CLEC16A: variants seen among roughly 807,000 people sequenced by gnomAD.
The protein encoded by CLEC16A is protein CLEC16A.
A neutral mutation model predicts 109.5 loss-of-function variants in CLEC16A; 51 were observed. That is an observed-to-expected ratio of 0.47 (90% CI 0.37 to 0.59). CLEC16A has a LOEUF of 0.59. Ranked by LOEUF, CLEC16A falls within the 20% of genes least tolerant of loss-of-function variation. CLEC16A has a pLI of 0.00. For synonymous variants in CLEC16A, 673 were observed against 564.2 expected (o/e 1.19, Z -2.73); for missense variants, 1,339 against 1,394.0 (o/e 0.96, Z 0.63).
intron 11 of CLEC16A, among the ~76,000 whole-genome samples, chr16:11,005,239 T>G (rs2044927200): frequency 6.6e-6 from 1 of 152,194 alleles, no homozygotes; most frequent in Non-Finnish European, 1.5e-5. Flanking sequence ...ACACAGGGGC[T>G]TCAGGCCAGT....
chr16:10,995,422 G>A (rs1051890044), intron 10 of CLEC16A, among the ~76,000 whole-genome samples: 2 of 152,216 alleles, frequency 1.3e-5, no homozygotes, highest in African/African-American at 4.8e-5. Flanking sequence ...CAGGGGCCCA[G>A]GAGCATGTTG....
At chr16:10,998,949 A>G (rs1248079252) in intron 10 of CLEC16A, among the ~76,000 whole-genome samples, 3 of 152,246 alleles carry the variant, frequency 2.0e-5, no homozygotes, top group Admixed American at 1.3e-4. Context: ...AAATTCTACC[A>G]GCCTCTGCAT....
At chr16:10,982,575 C>A (rs906321833) in intron 9 of CLEC16A, among the ~76,000 whole-genome samples, 1 of 152,174 alleles carries the variant, frequency 6.6e-6, no homozygotes. Flanking sequence ...TGTTCTTTCC[C>A]GCATTGCTCC....
intron 19 of CLEC16A, among the ~76,000 whole-genome samples, chr16:11,090,363 G>A (rs1260488785): frequency 6.6e-6 from 1 of 152,112 alleles, no homozygotes; most frequent in Non-Finnish European, 1.5e-5. Context: ...ACTTTCCTGT[G>A]TTTGTGGATT....
intron 13 of CLEC16A, among the ~76,000 whole-genome samples, chr16:11,035,243 G>T (rs188771320): frequency 6.6e-6 from 1 of 152,180 alleles, no homozygotes; most frequent in Non-Finnish European, 1.5e-5. Context: ...CATGTTTTCT[G>T]TGTGGGTGAT....
At chr16:11,150,890 G>A (rs1386802050) in intron 22 of CLEC16A, among the ~76,000 whole-genome samples, 1 of 152,188 alleles carries the variant, frequency 6.6e-6, no homozygotes, top group Non-Finnish European at 1.5e-5. Context: ...GCTCATAGAA[G>A]TATCACCCCA....
chr16:11,078,960 C>G (rs2049547760), intron 19 of CLEC16A, among the ~76,000 whole-genome samples: 1 of 152,048 alleles, frequency 6.6e-6, no homozygotes, highest in Non-Finnish European at 1.5e-5. Flanking sequence ...GTGCCTCTAC[C>G]TGACTTGAAG....
At chr16:11,027,171 A>G (rs1272800694) in intron 13 of CLEC16A, 1 of 1,394,742 alleles carries the variant, frequency 7.2e-7, no homozygotes, top group African/African-American at 1.4e-5. Context: ...GCTCAGGTTT[A>G]AGCTACTGGA....
rs373186612 is a variant in CLEC16A, at chr16:11,129,352, T to G, written c.2641+3206T>G. On this transcript the variant is annotated intron_variant, in intron 22 of 23. Coordinates refer to ENST00000409790, the MANE Select transcript of CLEC16A (RefSeq NM_015226.3). ...AACAATAACTCTGTTTTCCAAAACA[T>G]AGAAAAAAATTGATCTTGCACATTT... Among the ~76,000 whole-genome samples, 2 of 152,146 alleles carry G rather than the reference T, an allele frequency of 1.3e-5. 1 individual carries two copies. Among genetic ancestry groups the G allele is most frequent in the South Asian group, 4.1e-4 (2 of 4,826 alleles).
At chr16:11,090,880 G>C (rs955098562) in intron 19 of CLEC16A, among the ~76,000 whole-genome samples, 2 of 144,656 alleles carry the variant, frequency 1.4e-5, no homozygotes, top group African/African-American at 5.2e-5. Flanking sequence ...TTGTTGGCCA[G>C]GCTCGTCTTG....
intron 22 of CLEC16A, among the ~76,000 whole-genome samples, chr16:11,139,809 C>A (rs1043244666): frequency 6.6e-6 from 1 of 152,188 alleles, no homozygotes; most frequent in Non-Finnish European, 1.5e-5. Context: ...AAAATTCAGG[C>A]TCATGGCATA....
At position 11,047,360 on chromosome 16, in the gene CLEC16A, A is replaced by T; in HGVS notation, c.1866+18A>T. The T allele has an allele frequency of 6.2e-7, 1 of 1,601,926 alleles. No homozygotes were observed. The highest frequency in any genetic ancestry group is 8.5e-7 in the Non-Finnish European group (1 of 1,174,018). On this transcript the variant is annotated intron_variant, in intron 17 of 23. Coordinates refer to ENST00000409790, the MANE Select transcript of CLEC16A (RefSeq NM_015226.3). ...GCATGACAGTAAGTGAGGGGCTGGG[A>T]CACACTTGGGCTGGTGTGCGCCTGT...
At chr16:11,128,461 G>C (rs997107106) in intron 22 of CLEC16A, among the ~76,000 whole-genome samples, 7 of 152,212 alleles carry the variant, frequency 4.6e-5, no homozygotes, top group Admixed American at 2.0e-4. Context: ...TGCCAACTGG[G>C]ACAACAGCAA....
At chr16:11,002,954 T>C (rs1018892283) in intron 10 of CLEC16A, 120 bp from the exon 11 acceptor site, 3 of 727,974 alleles carry the variant, frequency 4.1e-6, no homozygotes, top group East Asian at 2.7e-5. Flanking sequence ...AGCTATCTTA[T>C]GATATAATGG....
intron 11 of CLEC16A, among the ~76,000 whole-genome samples, chr16:11,004,826 C>T (rs182376985): frequency 1.0e-3 from 159 of 151,714 alleles, no homozygotes; most frequent in African/African-American, 3.6e-3. Context: ...TTAAAGTGTG[C>T]AATAGGTGTT....
At chr16:11,041,371 A>C (rs530871093) in intron 14 of CLEC16A, 2 of 152,248 alleles carry the variant, frequency 1.3e-5, no homozygotes, top group Non-Finnish European at 2.9e-5. Flanking sequence ...GGCTTAAACA[A>C]TACAAGCAGA....
At chr16:10,958,992 G>C (rs1318950284) in intron 2 of CLEC16A, among the ~76,000 whole-genome samples, 1 of 150,486 alleles carries the variant, frequency 6.6e-6, no homozygotes, top group Non-Finnish European at 1.5e-5. Context: ...TTGGGGCTGG[G>C]TTATGACAAC....
intron 14 of CLEC16A, 37 bp from the exon 15 acceptor site, chr16:11,042,217 C>A: frequency 6.6e-7 from 1 of 1,508,090 alleles, no homozygotes. Flanking sequence ...GGCGCCCCAC[C>A]CTGGGTGTGC....
intron 19 of CLEC16A, among the ~76,000 whole-genome samples, chr16:11,082,284 C>G (rs990971647): frequency 3.3e-5 from 5 of 152,206 alleles, no homozygotes; most frequent in African/African-American, 1.2e-4. Flanking sequence ...TGCTCGTGGA[C>G]AGTTTCTCAC....
Sources: gnomAD v4.1 joint callset for allele counts (sites outside exome capture counted in the v4.1 genomes callset) on GRCh38, gnomAD v4.1.1 for gene constraint, MANE v1.5 for transcripts, NCBI Gene and HGNC (gene_info 2026-07-23, HGNC 2026-07-21) for gene names.